OR2L13: variants seen among roughly 807,000 people sequenced by gnomAD.
The protein encoded by OR2L13 is olfactory receptor 2L13.
A neutral mutation model predicts 15.3 loss-of-function variants in OR2L13; 14 were observed. That is an observed-to-expected ratio of 0.91 (90% CI 0.60 to 1.43). The LOEUF (loss-of-function observed/expected upper bound fraction) is 1.43, where lower values mean the gene tolerates loss of function less well. Ranked by LOEUF, OR2L13 falls within the 40% of genes most tolerant of loss-of-function variation. The probability of loss-of-function intolerance (pLI) is 0.00; values close to 1 mark genes in which losing one functional copy is unlikely to be tolerated. For synonymous variants in OR2L13, 152 were observed against 142.9 expected (o/e 1.06, Z -0.45); for missense variants, 367 against 387.9 (o/e 0.95, Z 0.45).
chr1:248,022,990 T>C, the OR2L13 span: 1 of 1,051,576 alleles, frequency 9.5e-7, no homozygotes, highest in South Asian at 1.8e-5. Flanking sequence ...CAAACAGAGA[T>C]TAATCCAGAA....
the OR2L13 span, among the ~76,000 whole-genome samples, chr1:248,035,012 T>G: frequency 6.6e-6 from 1 of 152,212 alleles, no homozygotes; most frequent in Non-Finnish European, 1.5e-5. Context: ...ATTATTTCAC[T>G]TCTTTCTTTT....
the OR2L13 span, chr1:247,949,613 A>G: frequency 0.31 from 497,703 of 1,612,644 alleles, 79,200 homozygotes; most frequent in East Asian, 0.44. Flanking sequence ...TCTACTATGC[A>G]CCTTTTGTCT....
the OR2L13 span, among the ~76,000 whole-genome samples, chr1:248,024,646 C>G: frequency 2.0e-5 from 3 of 152,126 alleles, no homozygotes; most frequent in African/African-American, 7.2e-5. Flanking sequence ...TTTCCCAGCA[C>G]CATTGATTAA....
chr1:248,071,194 T>C, the OR2L13 span, among the ~76,000 whole-genome samples: 2 of 152,172 alleles, frequency 1.3e-5, no homozygotes, highest in African/African-American at 4.8e-5. Context: ...TTTAGACCAA[T>C]ATCCCTGATG....
chr1:248,022,020 T>C, the OR2L13 span: 4 of 1,613,940 alleles, frequency 2.5e-6, no homozygotes, highest in South Asian at 3.3e-5. Flanking sequence ...AATTGGCCTT[T>C]TCCTCTTCAT....
the OR2L13 span, among the ~76,000 whole-genome samples, chr1:247,992,125 C>A: frequency 7.3e-3 from 1,087 of 149,226 alleles, 120 homozygotes; most frequent in African/African-American, 0.025. Context: ...ACTCAGCCTA[C>A]TCAATGTAAA....
At chr1:247,966,476 TA>T in the OR2L13 span, 1 of 800,728 alleles carries the variant, frequency 1.2e-6, no homozygotes, top group Non-Finnish European at 1.9e-6. Flanking sequence ...TCAGGCTTCT[TA>T]AATCTGTGTT....
the OR2L13 span, among the ~76,000 whole-genome samples, chr1:248,065,024 G>T: frequency 6.6e-6 from 1 of 152,218 alleles, no homozygotes. Context: ...GGAGAAAGAA[G>T]TCAAATTATC....
chr1:248,057,374 CTT>C, the OR2L13 span, among the ~76,000 whole-genome samples: 1 of 152,152 alleles, frequency 6.6e-6, no homozygotes, highest in Non-Finnish European at 1.5e-5. Context: ...GAATTGAACT[CTT>C]TTACATTATG....
the OR2L13 span, among the ~76,000 whole-genome samples, chr1:248,059,310 G>C: frequency 2.0e-5 from 3 of 152,184 alleles, no homozygotes; most frequent in East Asian, 5.8e-4. Context: ...CTTCTATCTG[G>C]AGTAGAGTTT....
At chr1:248,058,913 C>T in the OR2L13 span, among the ~76,000 whole-genome samples, 1 of 151,752 alleles carries the variant, frequency 6.6e-6, no homozygotes, top group Admixed American at 6.6e-5. Context: ...TCTTACTTTG[C>T]CTTTTGAAAC....
the OR2L13 span, among the ~76,000 whole-genome samples, chr1:248,044,270 A>G: frequency 4.6e-5 from 7 of 152,192 alleles, no homozygotes; most frequent in Non-Finnish European, 7.3e-5. Context: ...TTCAATCCAG[A>G]CTGGCTTTCA....
the OR2L13 span, among the ~76,000 whole-genome samples, chr1:248,007,578 G>C: frequency 2.0e-5 from 3 of 152,202 alleles, no homozygotes; most frequent in African/African-American, 7.2e-5. Context: ...TCCCCTTGGT[G>C]GGGAAGTTAA....
the OR2L13 span, among the ~76,000 whole-genome samples, chr1:248,077,575 T>C: frequency 1.3e-5 from 2 of 152,144 alleles, no homozygotes; most frequent in South Asian, 4.1e-4. Flanking sequence ...CTTGGTAGAG[T>C]CTATGTGTCC....
At chr1:248,031,037 A>T in the OR2L13 span, among the ~76,000 whole-genome samples, 3 of 152,238 alleles carry the variant, frequency 2.0e-5, no homozygotes, top group Non-Finnish European at 2.9e-5. Flanking sequence ...GCAAGTAGAA[A>T]TGTTTTTAAA....
the OR2L13 span, among the ~76,000 whole-genome samples, chr1:248,084,844 C>T: frequency 3.7e-4 from 56 of 152,258 alleles, no homozygotes; most frequent in Middle Eastern, 3.4e-3. Flanking sequence ...CACAAACACA[C>T]AGTAACACTA....
chr1:248,046,800 G>A, the OR2L13 span: 1 of 152,142 alleles, frequency 6.6e-6, no homozygotes, highest in South Asian at 2.1e-4. Flanking sequence ...TAAAAACCAT[G>A]TATTTGTTTC....
At chr1:248,099,170 G>T (rs932787938) in intron 2 of OR2L13, among the ~76,000 whole-genome samples, 188 bp from the exon 3 acceptor site, 25 of 152,134 alleles carry the variant, frequency 1.6e-4, no homozygotes, top group Admixed American at 1.3e-3. Flanking sequence ...TATAAGAACA[G>T]AAAGTGAATA....
chr1:247,951,710 G>A, the OR2L13 span, among the ~76,000 whole-genome samples: 1 of 152,150 alleles, frequency 6.6e-6, no homozygotes, highest in Non-Finnish European at 1.5e-5. Context: ...AATGTTTACT[G>A]CTAATCTTCC....
Sources: gnomAD v4.1 joint callset for allele counts (sites outside exome capture counted in the v4.1 genomes callset) on GRCh38, gnomAD v4.1.1 for gene constraint, MANE v1.5 for transcripts, NCBI Gene and HGNC (gene_info 2026-07-23, HGNC 2026-07-21) for gene names.